The following ANO7 variants were observed in gnomAD, a reference collection of about 807,000 sequenced individuals.
The protein encoded by ANO7 is anoctamin-7.
In ANO7, 114 loss-of-function variants were observed where a neutral mutation model predicts 115.8. That is an observed-to-expected ratio of 0.98 (90% CI 0.85 to 1.15). The LOEUF (loss-of-function observed/expected upper bound fraction) is 1.15, where lower values mean the gene tolerates loss of function less well. Among genes scored for constraint, ANO7 ranks in the 50% most tolerant of loss-of-function variants. The pLI is 0.00. For missense variants in ANO7, 1,302 were observed against 1,201.2 expected, an observed-to-expected ratio of 1.08 and a Z score of -1.24; for synonymous variants, 550 against 498.2, an observed-to-expected ratio of 1.10 and a Z score of -1.38.
At chr2:241,213,179 C>T (rs756535142) in intron 17 of ANO7, among the ~76,000 whole-genome samples, 22 of 130,446 alleles carry the variant, frequency 1.7e-4, no homozygotes, top group Non-Finnish European at 2.7e-4. Context: ...CACACAGGCC[C>T]GCAGGGGCTG....
chr2:241,192,608 G>A (rs1465508437), intron 3 of ANO7, among the ~76,000 whole-genome samples: 1 of 152,160 alleles, frequency 6.6e-6, no homozygotes, highest in Admixed American at 6.5e-5. Flanking sequence ...AGGACTGTGG[G>A]GTGGGGCTTT....
chr2:241,232,984 AGAAGGG>A, the ANO7 span, among the ~76,000 whole-genome samples: 50 of 144,368 alleles, frequency 3.5e-4, no homozygotes, highest in African/African-American at 8.6e-4. Flanking sequence ...CTGGGGAGGA[AGAAGGG>A]GAAGGGGAAG....
At chr2:241,223,804 G>T (rs774899010) in intron 23 of ANO7, 23 bp downstream of exon 23, 1 of 1,614,026 alleles carries the variant, frequency 6.2e-7, no homozygotes, top group African/African-American at 1.3e-5. Context: ...GCCCAGTCTC[G>T]GCCCTCCCCC....
intron 6 of ANO7, among the ~76,000 whole-genome samples, 169 bp downstream of exon 6, chr2:241,200,394 G>A (rs554844962): frequency 9.8e-5 from 15 of 152,362 alleles, no homozygotes; most frequent in African/African-American, 1.9e-4. Context: ...TCCAAATGCC[G>A]CTGCGTCAGC....
the ANO7 span, chr2:241,235,988 G>A: frequency 1.7e-4 from 35 of 208,682 alleles, no homozygotes; most frequent in Non-Finnish European, 3.1e-4. Context: ...GGATCAGGAC[G>A]GCTTTGGCTA....
chr2:241,207,715 TGAG>T (rs912910876), intron 11 of ANO7, 45 bp downstream of exon 11: 2 of 1,568,636 alleles, frequency 1.3e-6, no homozygotes, highest in African/African-American at 2.7e-5. Flanking sequence ...GAGTCGGGGA[TGAG>T]GAGGGCAGCT....
At chr2:241,207,542 T>C (rs1443821670) in intron 10 of ANO7, 32 bp from the exon 11 acceptor site, 3 of 1,599,924 alleles carry the variant, frequency 1.9e-6, no homozygotes, top group South Asian at 2.2e-5. Context: ...CCTCCCCCAT[T>C]AGCTCCCACC....
At position 241,209,658 on chromosome 2, in the gene ANO7, G is replaced by A. The variant is rs10192730; in HGVS notation, c.1359+23G>A. On this transcript the variant is annotated intron_variant, in intron 13 of 24. Coordinates refer to ENST00000674324, the MANE Select transcript of ANO7 (RefSeq NM_001370694.2). The stretch of plus-strand genomic sequence containing the variant: ...ATGGTATGCGGTCCCCCTGCCCTCC[G>A]CTCACGCCTCCATCCTCCTGCACCA... 1,099,607 of 1,514,660 alleles carry A rather than the reference G, an allele frequency of 0.73. 404,420 individuals are homozygous for A. Among genetic ancestry groups the A allele is most frequent in the African/African-American group, 0.95 (68,233 of 72,084 alleles). 93.8% of individuals were successfully genotyped at this position (1,514,660 alleles called of 1,614,324 possible).
At chr2:241,194,894 C>T (rs188726670) in intron 3 of ANO7, among the ~76,000 whole-genome samples, 14 of 152,306 alleles carry the variant, frequency 9.2e-5, no homozygotes, top group Admixed American at 3.9e-4. Flanking sequence ...AAGGGGACTC[C>T]GTTGTCCTTA....
At chr2:241,195,522 A>C (rs1466946085) in intron 3 of ANO7, among the ~76,000 whole-genome samples, 181 bp from the exon 4 acceptor site, 1 of 152,166 alleles carries the variant, frequency 6.6e-6, no homozygotes, top group Non-Finnish European at 1.5e-5. Context: ...TGGAACCTGG[A>C]AGTGCTCCTG....
In ANO7 at chr2:241,212,102, C is replaced by A; in HGVS notation, c.1570C>A (p.Arg524Ser). 6.2e-7 allele frequency: 1 copy of A among 1,613,934 alleles called. No homozygotes were observed. ...AHVLTRWEMH[R>S]TQTKFEDAFT... Reference sequence around the variant, plus strand: ...GGCTCTCCATGCCACAGAAATGCACCGCACCCAGACCAAGTTCGAGGACGC... The same window carrying A: ...GGCTCTCCATGCCACAGAAATGCACAGCACCCAGACCAAGTTCGAGGACGC... The change falls in exon 16 of 25, where the codon CGC becomes AGC. Residue 524 changes from arginine to serine, a missense_variant. Transcript: ENST00000674324.
intron 3 of ANO7, 91 bp from the exon 4 acceptor site, chr2:241,195,612 A>T: frequency 7.6e-7 from 1 of 1,311,842 alleles, no homozygotes. Flanking sequence ...ATGGCTCCCC[A>T]CTGCGTCCCG....
the ANO7 span, chr2:241,239,641 C>T: frequency 6.2e-7 from 1 of 1,614,230 alleles, no homozygotes. This position sits in a 1 kb window ranked among gnomAD's most constrained non-coding sequence, Gnocchi z 4.6. Flanking sequence ...TCTTGGCTGC[C>T]TCCACACAGT....
intron 2 of ANO7, 117 bp from the exon 3 acceptor site, chr2:241,191,077 G>A (rs901068721): frequency 1.1e-5 from 13 of 1,141,390 alleles, no homozygotes; most frequent in Non-Finnish European, 1.7e-5. Context: ...TGAGTGTTCT[G>A]GGGCAGGGCG....
downstream of ANO7, chr2:241,229,935 C>T (rs774717624): frequency 1.3e-4 from 203 of 1,603,790 alleles, no homozygotes; most frequent in Non-Finnish European, 1.5e-4. Flanking sequence ...ATACCTGCAG[C>T]GCCTCACTGT....
intron 17 of ANO7, 30 bp from the exon 18 acceptor site, chr2:241,214,775 T>C (rs758492542): frequency 6.3e-7 from 1 of 1,594,800 alleles, no homozygotes; most frequent in African/African-American, 1.3e-5. Context: ...GGTCCCCCTC[T>C]CCCAGCTAAC....
chr2:241,196,838 CGTGTGTGTGTGT>C (rs60120827), intron 4 of ANO7, among the ~76,000 whole-genome samples: 1,714 of 146,858 alleles, frequency 0.012, 19 homozygotes, highest in African/African-American at 0.029. Flanking sequence ...TCAATTCATT[CGTGTGTGTGTGT>C]GTGTGTGTGT....
chr2:241,199,820 G>A (rs1481169106), intron 5 of ANO7, among the ~76,000 whole-genome samples: 6 of 152,314 alleles, frequency 3.9e-5, no homozygotes, highest in South Asian at 2.1e-4. Context: ...CACTGCGTGC[G>A]GGTGGGAGAC....
Position 241,204,972 on chromosome 2 carries a change from C to T in ANO7, c.980+17C>T, listed in dbSNP as rs369980313. 1.8e-5 allele frequency: 29 copies of T among 1,611,808 alleles called. No individual in the cohort carries two copies. The highest frequency in any genetic ancestry group is 1.7e-4 in the Middle Eastern group (1 of 6,050). On this transcript the variant is annotated intron_variant, in intron 10 of 24. Coordinates refer to ENST00000674324, the MANE Select transcript of ANO7 (RefSeq NM_001370694.2). Reference sequence around the variant, plus strand: ...CATACCCACGTGAGTGTTCCCTCTCCGCAGCTCTGGGGCCTGGTGCTGGGC... The same window carrying T: ...CATACCCACGTGAGTGTTCCCTCTCTGCAGCTCTGGGGCCTGGTGCTGGGC...
Sources: gnomAD v4.1 joint callset for allele counts (sites outside exome capture counted in the v4.1 genomes callset) on GRCh38, gnomAD v4.1.1 for gene constraint, Gnocchi (gnomAD v3.1) non-coding constraint, MANE v1.5 for transcripts, NCBI Gene and HGNC (gene_info 2026-07-23, HGNC 2026-07-21) for gene names.